REXO1: variants seen among roughly 807,000 people sequenced by gnomAD.
REXO1 encodes REX1, RNA exonuclease 1 homolog.
REXO1 carries 42 observed loss-of-function variants against 102.6 expected under a neutral mutation model. The observed-to-expected ratio is 0.41, with a 90% CI of 0.32 to 0.53. The LOEUF (loss-of-function observed/expected upper bound fraction) is 0.53, where lower values mean the gene tolerates loss of function less well. Among genes scored for constraint, REXO1 ranks in the 20% least tolerant of loss-of-function variants. The pLI is 0.27. For synonymous variants in REXO1, 908 were observed against 779.1 expected, an observed-to-expected ratio of 1.17 and a Z score of -2.76; for missense variants, 1,819 against 1,732.5, an observed-to-expected ratio of 1.05 and a Z score of -0.89.
intron 1 of REXO1, among the ~76,000 whole-genome samples, chr19:1,829,248 ATTT>A (rs987234600): frequency 6.8e-6 from 1 of 147,568 alleles, no homozygotes; most frequent in Non-Finnish European, 1.5e-5. Flanking sequence ...CCACAGGAAG[ATTT>A]TTTTTTTTTG....
chr19:1,821,372 G>A, intron 5 of REXO1, 147 bp downstream of exon 5: 4 of 887,666 alleles, frequency 4.5e-6, no homozygotes, highest in Non-Finnish European at 7.0e-6. Flanking sequence ...ACCAAGGCAT[G>A]GGGAGGGAAG....
Position 1,818,847 on chromosome 19 carries a change from T to G in REXO1, c.2765-4A>C. 3 of 1,609,220 alleles carry G rather than the reference T, an allele frequency of 1.9e-6. No homozygotes were observed. The South Asian group carries it at 3.3e-5, about 18-fold the overall frequency. ...AGGCGGCTGTACAGGGCAGCCCCTG[T>G]GGACAGGCACAGTGGTCAGCCCCTG... On this transcript the variant is annotated splice_region_variant and splice_polypyrimidine_tract_variant and intron_variant, in intron 8 of 15. Transcript: ENST00000170168.
intron 1 of REXO1, among the ~76,000 whole-genome samples, chr19:1,843,005 C>T (rs1048846653): frequency 1.3e-5 from 2 of 152,216 alleles, no homozygotes; most frequent in Admixed American, 1.3e-4. Context: ...GCTCTGGAAA[C>T]CCCAGGCCCC....
intron 1 of REXO1, among the ~76,000 whole-genome samples, chr19:1,839,787 G>A (rs1282478514): frequency 6.6e-6 from 1 of 152,254 alleles, no homozygotes. Context: ...CCTCCCTGCA[G>A]AAGCAGCAGT....
At chr19:1,819,808 C>G (rs2069478210) in intron 7 of REXO1, 126 bp downstream of exon 7, 1 of 1,078,500 alleles carries the variant, frequency 9.3e-7, no homozygotes. Context: ...CCCCACAGCA[C>G]CGCGCTTTCC....
chr19:1,840,788 G>A (rs10853955), intron 1 of REXO1, among the ~76,000 whole-genome samples: 58,392 of 151,752 alleles, frequency 0.38, 13,083 homozygotes, highest in Non-Finnish European at 0.52. Flanking sequence ...TCAGCCTGGC[G>A]CCACAGACAC....
intron 1 of REXO1, among the ~76,000 whole-genome samples, chr19:1,832,174 G>A (rs1044847086): frequency 1.3e-5 from 2 of 152,226 alleles, no homozygotes; most frequent in African/African-American, 4.8e-5. Context: ...AGGGGAGGAA[G>A]GCGCCCTGAG....
intron 1 of REXO1, among the ~76,000 whole-genome samples, chr19:1,846,253 A>G (rs1046241651): frequency 6.6e-6 from 1 of 152,202 alleles, no homozygotes; most frequent in Non-Finnish European, 1.5e-5. Context: ...TGGGACATGC[A>G]TCCCCCCCTG....
intron 1 of REXO1, among the ~76,000 whole-genome samples, chr19:1,833,173 T>C (rs1272059904): frequency 6.6e-6 from 1 of 152,116 alleles, no homozygotes; most frequent in Non-Finnish European, 1.5e-5. Context: ...TTCAATGAGC[T>C]GTGATCACAC....
At chr19:1,846,938 T>G (rs1041667123) in intron 1 of REXO1, among the ~76,000 whole-genome samples, 1 of 152,132 alleles carries the variant, frequency 6.6e-6, no homozygotes, top group African/African-American at 2.4e-5. Flanking sequence ...TGTCACAGCC[T>G]CCGAGAAGCC....
rs766307226 is a variant in REXO1 at position 1,818,592 on chromosome 19, G to A, written c.2906C>T (p.Ser969Phe). 6.2e-7 allele frequency: 1 copy of A among 1,609,880 alleles called. No homozygotes were observed. Among genetic ancestry groups the A allele is most frequent in the East Asian group, 2.2e-5 (1 of 44,746 alleles). ...GCCACAGCGGCAGCAGGTCCTGCAG[G>A]AAGCTGTGGGTGGGGACCCAGGTGG... The part of the protein sequence containing the change: ...TAEEKRPKDS[S>F]CRTCCRCGTE... The change falls in exon 10 of 16, where the codon TCC (serine) becomes TTC (phenylalanine). Residue 969 changes from serine (S) to phenylalanine (F), a missense_variant. Coordinates refer to ENST00000170168, the MANE Select transcript of REXO1 (RefSeq NM_020695.4).
chr19:1,831,141 C>T (rs1027160088), intron 1 of REXO1, among the ~76,000 whole-genome samples: 1 of 152,192 alleles, frequency 6.6e-6, no homozygotes, highest in African/African-American at 2.4e-5. Flanking sequence ...TTATGCTGCA[C>T]CCAACACCAA....
At chr19:1,832,939 T>G (rs547173752) in intron 1 of REXO1, among the ~76,000 whole-genome samples, 2 of 123,422 alleles carry the variant, frequency 1.6e-5, no homozygotes, top group South Asian at 5.0e-4. Flanking sequence ...AAAAAAAAAT[T>G]ACACTTAGTG....
chr19:1,820,145 G>A, intron 6 of REXO1, 88 bp from the exon 7 acceptor site: 1 of 1,564,666 alleles, frequency 6.4e-7, no homozygotes, highest in Non-Finnish European at 8.6e-7. Context: ...TCGGGGACTT[G>A]CATCTCTCCC....
intron 10 of REXO1, 84 bp downstream of exon 10, chr19:1,818,398 T>C (rs2069432883): frequency 1.9e-6 from 2 of 1,045,468 alleles, no homozygotes; most frequent in South Asian, 1.5e-5. Context: ...GGTAAAGCCT[T>C]ACCCCAGTTC....
At chr19:1,832,501 A>G (rs571171252) in intron 1 of REXO1, among the ~76,000 whole-genome samples, 2 of 152,354 alleles carry the variant, frequency 1.3e-5, no homozygotes, top group African/African-American at 4.8e-5. Flanking sequence ...AGGAGGTGGG[A>G]GGAGGCCTGG....
At chr19:1,846,776 C>A (rs2011561339) in intron 1 of REXO1, among the ~76,000 whole-genome samples, 1 of 152,150 alleles carries the variant, frequency 6.6e-6, no homozygotes, top group South Asian at 2.1e-4. Context: ...GCCCATAGTC[C>A]CAGCTACTCA....
Position 1,848,418 on chromosome 19 carries a change from G to A in REXO1, c.-60C>T. 8.8e-7 allele frequency: 1 copy of A among 1,135,438 alleles called. No homozygotes were observed. 70.3% of individuals were successfully genotyped at this position (1,135,438 alleles called of 1,614,324 possible). ...GCCCGGGCCCCAGGGCCCCCTCACT[G>A]GCGCCGCGGTCGCCGCCGCCCGCGC... On this transcript the variant is annotated 5_prime_UTR_variant, in exon 1 of 16. The change creates a premature stop within an existing upstream ORF in the 5' untranslated region. Coordinates refer to ENST00000170168, the MANE Select transcript of REXO1 (RefSeq NM_020695.4).
At chr19:1,825,977 G>A (rs771448446) in intron 2 of REXO1, 34 bp from the exon 3 acceptor site, 7 of 1,493,772 alleles carry the variant, frequency 4.7e-6, no homozygotes, top group Non-Finnish European at 5.6e-6. Context: ...GCACAGGTCT[G>A]CCCTCGCTGC....
Sources: gnomAD v4.1 joint callset for allele counts (sites outside exome capture counted in the v4.1 genomes callset) on GRCh38, gnomAD v4.1.1 for gene constraint, MANE v1.5 for transcripts, NCBI Gene and HGNC (gene_info 2026-07-23, HGNC 2026-07-21) for gene names.